DLGAP2: variants seen among roughly 807,000 people sequenced by gnomAD.
The protein encoded by DLGAP2 is DLG associated protein 2.
Under a neutral mutation model 100.3 loss-of-function variants are expected in DLGAP2, and 26 were observed. That is an observed-to-expected ratio of 0.26 (90% CI 0.19 to 0.36). The LOEUF is 0.36. Among genes scored for constraint, DLGAP2 ranks in the 10% least tolerant of loss-of-function variants. The pLI is 1.00. For missense variants in DLGAP2, 1,858 were observed against 1,453.2 expected, an observed-to-expected ratio of 1.28 and a Z score of -4.53; for synonymous variants, 886 against 630.1, an observed-to-expected ratio of 1.41 and a Z score of -6.08.
chr8:1,541,719 T>C (rs565741398), intron 4 of DLGAP2, among the ~76,000 whole-genome samples: 1 of 152,356 alleles, frequency 6.6e-6, no homozygotes, highest in South Asian at 2.1e-4. Flanking sequence ...TAAGCTTTCC[T>C]CAGCAGTTAT....
intron 2 of DLGAP2, among the ~76,000 whole-genome samples, chr8:1,098,585 C>G (rs1018780844): frequency 1.0e-4 from 15 of 147,652 alleles, no homozygotes; most frequent in Non-Finnish European, 1.9e-4. Context: ...GACGCCGCGA[C>G]CCACACCAGG....
intron 2 of DLGAP2, among the ~76,000 whole-genome samples, chr8:955,936 C>T (rs189809284): frequency 6.8e-4 from 103 of 152,218 alleles, no homozygotes; most frequent in African/African-American, 2.0e-3. Context: ...CAGCCCAGAC[C>T]GCCCAGATTG....
At chr8:1,108,618 A>C (rs1000728373) in intron 2 of DLGAP2, among the ~76,000 whole-genome samples, 2 of 143,168 alleles carry the variant, frequency 1.4e-5, no homozygotes, top group African/African-American at 5.3e-5. Flanking sequence ...TGAGGTGTGC[A>C]CGTGCCTATG....
intron 2 of DLGAP2, among the ~76,000 whole-genome samples, chr8:1,052,102 C>G (rs1802732931): frequency 6.6e-6 from 1 of 152,166 alleles, no homozygotes; most frequent in Admixed American, 6.5e-5. Flanking sequence ...TCTCCTGTGC[C>G]TGGTGTTGCA....
chr8:1,569,192 G>A (rs1237374845), intron 6 of DLGAP2, among the ~76,000 whole-genome samples: 6 of 152,190 alleles, frequency 3.9e-5, no homozygotes, highest in South Asian at 2.1e-4. Context: ...TCTGCCTATG[G>A]CCCCCATGCC....
intron 1 of DLGAP2, among the ~76,000 whole-genome samples, chr8:886,459 T>C (rs1797923881): frequency 6.6e-6 from 1 of 152,212 alleles, no homozygotes; most frequent in African/African-American, 2.4e-5. Context: ...ATAATTGCAC[T>C]GTTGGGGTGT....
At chr8:1,248,253 G>GT (rs1441997216) in intron 2 of DLGAP2, among the ~76,000 whole-genome samples, 2 of 3,162 alleles carry the variant, frequency 6.3e-4, no homozygotes, top group Admixed American at 2.2e-3. Flanking sequence ...AGATCAGTGT[G>GT]GGAGTGATGG....
chr8:1,092,821 C>T lies in DLGAP2; in HGVS notation c.74-166030C>T, dbSNP rs180689933. 1.4e-4 allele frequency among the ~76,000 whole-genome samples: 22 copies of T among 152,240 alleles called. No homozygotes were observed. The South Asian group carries it at 2.1e-3, about 14-fold the overall frequency. The stretch of plus-strand genomic sequence containing the variant: ...GGAGGGCAGAATCCAGCCACAGGGA[C>T]GGATTCCTGGAAGGCCAGGAGTGTG... On this transcript the variant is annotated intron_variant, in intron 2 of 14. Transcript: ENST00000637795.
At chr8:1,030,150 C>T (rs1047622829) in intron 2 of DLGAP2, among the ~76,000 whole-genome samples, 1 of 152,204 alleles carries the variant, frequency 6.6e-6, no homozygotes, top group East Asian at 1.9e-4. Context: ...GTTCCTCCTC[C>T]TCTTACAACA....
chr8:1,362,265 G>A (rs1398019697), intron 3 of DLGAP2, among the ~76,000 whole-genome samples: 1 of 152,050 alleles, frequency 6.6e-6, no homozygotes, highest in African/African-American at 2.4e-5. Context: ...CTCCACTCAG[G>A]GCCAGGCAGG....
intron 3 of DLGAP2, among the ~76,000 whole-genome samples, chr8:1,471,747 A>C (rs1312268512): frequency 6.6e-6 from 1 of 152,192 alleles, no homozygotes; most frequent in East Asian, 1.9e-4. Context: ...CATGCTGTGT[A>C]GGAATTCACC....
At chr8:1,439,489 G>C (rs1162974093) in intron 3 of DLGAP2, among the ~76,000 whole-genome samples, 2 of 152,176 alleles carry the variant, frequency 1.3e-5, no homozygotes, top group African/African-American at 4.8e-5. Flanking sequence ...GGGCTCCAGG[G>C]CTCAGCCCTG....
chr8:1,442,725 C>T (rs1002297369), intron 3 of DLGAP2, among the ~76,000 whole-genome samples: 1 of 150,056 alleles, frequency 6.7e-6, no homozygotes, highest in East Asian at 2.0e-4. Flanking sequence ...CGGGCATAGA[C>T]CCGCCAGGCT....
chr8:1,243,762 C>G (rs145091754), intron 2 of DLGAP2, among the ~76,000 whole-genome samples: 1 of 152,272 alleles, frequency 6.6e-6, no homozygotes, highest in East Asian at 1.9e-4. Context: ...CCTCTGCTGT[C>G]TCTTCTCTCA....
chr8:782,435 A>C (rs951470194), intron 1 of DLGAP2, among the ~76,000 whole-genome samples: 3 of 152,134 alleles, frequency 2.0e-5, no homozygotes, highest in Non-Finnish European at 4.4e-5. Flanking sequence ...TGAATACCTA[A>C]ATATTATAAT....
chr8:1,681,137 T>G (rs759795547), intron 12 of DLGAP2, among the ~76,000 whole-genome samples: 33 of 152,220 alleles, frequency 2.2e-4, no homozygotes, highest in African/African-American at 6.3e-4. Context: ...TGTATCCTAT[T>G]ATCATTTGAG....
intron 3 of DLGAP2, chr8:1,262,365 A>C (rs751391498): frequency 6.6e-6 from 1 of 152,182 alleles, no homozygotes; most frequent in Non-Finnish European, 1.5e-5. Context: ...ATGAGATAAA[A>C]ATGTTTAAAA....
chr8:1,313,967 T>A (rs1800670563), intron 3 of DLGAP2, among the ~76,000 whole-genome samples: 1 of 152,222 alleles, frequency 6.6e-6, no homozygotes, highest in Admixed American at 6.5e-5. Flanking sequence ...ATCAGATTTT[T>A]AAAATTACAA....
intron 2 of DLGAP2, among the ~76,000 whole-genome samples, chr8:963,352 C>T (rs1799772333): frequency 6.6e-6 from 1 of 152,042 alleles, no homozygotes; most frequent in South Asian, 2.1e-4. Context: ...TTGGAGTGGA[C>T]GTATTTTGGA....
Sources: gnomAD v4.1 joint callset for allele counts (sites outside exome capture counted in the v4.1 genomes callset) on GRCh38, gnomAD v4.1.1 for gene constraint, MANE v1.5 for transcripts, NCBI Gene and HGNC (gene_info 2026-07-23, HGNC 2026-07-21) for gene names.